The following NBPF15 variants were observed in gnomAD, a reference collection of about 807,000 sequenced individuals.
The protein encoded by NBPF15 is NBPF member 15, also known as NBPF family member NBPF15.
A neutral mutation model predicts 62.2 loss-of-function variants in NBPF15; 74 were observed. The observed-to-expected ratio is 1.19, with a 90% CI of 0.99 to 1.44. The LOEUF is 1.44. NBPF15 is among the 40% of genes most tolerant of loss of function. NBPF15 has a pLI of 0.00. For missense variants in NBPF15, 790 were observed against 550.0 expected, an observed-to-expected ratio of 1.44 and a Z score of -4.36; for synonymous variants, 244 against 209.7, an observed-to-expected ratio of 1.16 and a Z score of -1.41.
intron 8 of NBPF15, among the ~76,000 whole-genome samples, chr1:144,439,373 C>G (rs1189910760): frequency 1.3e-5 from 2 of 152,038 alleles, no homozygotes; most frequent in African/African-American, 4.8e-5. Flanking sequence ...CAGGTACTGG[C>G]TACTATCACC....
chr1:144,444,811 G>A (rs1204706817), intron 6 of NBPF15, among the ~76,000 whole-genome samples: 2 of 151,896 alleles, frequency 1.3e-5, no homozygotes, highest in Non-Finnish European at 2.9e-5. Flanking sequence ...ACTGAGCCAC[G>A]AGAAATAGCA....
intron 8 of NBPF15, among the ~76,000 whole-genome samples, chr1:144,439,314 G>T (rs1681085219): frequency 1.3e-5 from 2 of 151,886 alleles, no homozygotes; most frequent in African/African-American, 4.8e-5. Context: ...GTCACTTATA[G>T]ACAGCACAGG....
rs868926616 is a variant in NBPF15 at position 144,423,881 on chromosome 1, T to G, written c.1758A>C (p.Pro586=). Residue 586 remains proline, a synonymous_variant, in exon 21 of 22, where the codon CCA becomes CCC. Coordinates refer to ENST00000581897, the MANE Select transcript of NBPF15 (RefSeq NM_001385408.1). ...TTGCTGAAAGTTACCTGGGGCATGG[T>G]GGGTTGTCATCTTCCCCTTCTTTTC... The part of the protein sequence containing the change: ...RGRKEGEDDN[P]PCPRLYGVLM... The G allele has an allele frequency of 3.6e-5, 28 of 775,846 alleles. No individual in the cohort carries two copies. Among genetic ancestry groups the G allele is most frequent in the Non-Finnish European group, 6.3e-5 (27 of 427,854 alleles). 48.1% of individuals were successfully genotyped at this position (775,846 alleles called of 1,614,324 possible). A position where few individuals can be genotyped will look rare whatever the true frequency, so the allele number is the denominator to read the frequency against.
chr1:144,426,750 A>G (rs1553539344), intron 17 of NBPF15, among the ~76,000 whole-genome samples: 2 of 151,908 alleles, frequency 1.3e-5, no homozygotes, highest in Non-Finnish European at 2.9e-5. Context: ...CGGGACACAC[A>G]ACGAACAGTG....
chr1:144,442,162 GTA>G (rs368550343), intron 6 of NBPF15, among the ~76,000 whole-genome samples: 19,103 of 29,822 alleles, frequency 0.64, 7,060 homozygotes, highest in East Asian at 0.81. Context: ...ATATACACGT[GTA>G]TATATATATA....
intron 3 of NBPF15, among the ~76,000 whole-genome samples, chr1:144,457,039 C>A (rs1459818655): frequency 6.6e-6 from 1 of 151,628 alleles, no homozygotes; most frequent in Non-Finnish European, 1.5e-5. Flanking sequence ...ATTGGCCCAG[C>A]ATGGTGGCAC....
At chr1:144,423,441 G>C (rs1462428055) in intron 21 of NBPF15, among the ~76,000 whole-genome samples, 185 bp from the exon 22 acceptor site, 2 of 151,706 alleles carry the variant, frequency 1.3e-5, no homozygotes, top group African/African-American at 2.4e-5. Flanking sequence ...AGAAAACAAT[G>C]AAAGAGAAAG....
chr1:144,433,336 A>T, intron 13 of NBPF15, among the ~76,000 whole-genome samples: 1 of 152,112 alleles, frequency 6.6e-6, no homozygotes, highest in Non-Finnish European at 1.5e-5. Context: ...CTAAATGCCC[A>T]CAAGAGAAAG....
intron 13 of NBPF15, among the ~76,000 whole-genome samples, chr1:144,432,105 A>T (rs1212775187): frequency 2.6e-5 from 4 of 152,064 alleles, no homozygotes; most frequent in Non-Finnish European, 5.9e-5. Flanking sequence ...TTACAGTCCC[A>T]CCAACAGTGT....
intron 17 of NBPF15, among the ~76,000 whole-genome samples, chr1:144,426,818 T>C (rs1313497491): frequency 6.6e-6 from 1 of 150,664 alleles, no homozygotes; most frequent in Non-Finnish European, 1.5e-5. Flanking sequence ...TTCCATGCAG[T>C]TGCCATACAG....
chr1:144,428,056 A>T (rs1458472218), intron 15 of NBPF15, 66 bp from the exon 16 acceptor site: 4 of 786,282 alleles, frequency 5.1e-6, no homozygotes, highest in Non-Finnish European at 9.4e-6. Context: ...TCCCAGCTAG[A>T]TTTCATGGCT....
intron 8 of NBPF15, among the ~76,000 whole-genome samples, chr1:144,439,050 C>A (rs1364967194): frequency 1.3e-5 from 2 of 151,774 alleles, no homozygotes; most frequent in African/African-American, 4.8e-5. Context: ...ATGGCAAAAT[C>A]TTGGCTCACT....
intron 6 of NBPF15, among the ~76,000 whole-genome samples, chr1:144,442,438 C>A (rs1684196511): frequency 7.2e-6 from 1 of 138,386 alleles, no homozygotes; most frequent in Non-Finnish European, 1.6e-5. Flanking sequence ...ATATTTTTTT[C>A]TTTTTTAAGT....
intron 6 of NBPF15, among the ~76,000 whole-genome samples, chr1:144,445,748 C>A (rs1228938606): frequency 6.6e-6 from 1 of 151,122 alleles, no homozygotes; most frequent in Non-Finnish European, 1.5e-5. Flanking sequence ...TCTTCTGATC[C>A]ATGACAAGGT....
rs1571130236 is a variant in NBPF15, at chr1:144,436,885, G to T, written c.493+10C>A. The T allele has an allele frequency of 1.9e-6, 3 of 1,611,750 alleles. No individual in the cohort carries two copies. The East Asian group carries it at 6.7e-5, about 36-fold the overall frequency. ...GGATTTTGGGTCATCAGGGCCTATG[G>T]CCACCTTACCTGGGCTGAGCTTTTG... is the stretch of plus-strand genomic sequence containing the variant. On this transcript the variant is annotated intron_variant, in intron 10 of 21. Transcript: ENST00000581897.
intron 4 of NBPF15, among the ~76,000 whole-genome samples, chr1:144,453,889 T>A (rs1299492763): frequency 7.4e-6 from 1 of 134,792 alleles, no homozygotes; most frequent in Non-Finnish European, 1.5e-5. Flanking sequence ...AAGTGTACAG[T>A]CACTTTGGAC....
Position 144,431,426 on chromosome 1 carries a change from C to CT in NBPF15, c.825-1564dup, listed in dbSNP as rs200325859. The stretch of plus-strand genomic sequence containing the variant: ...GAGAGTGGGAGCAATATTCAACATT[C>CT]TTTTTTTTTCCATATGTATAGTTTT... On this transcript the variant is annotated intron_variant, in intron 13 of 21. Coordinates refer to ENST00000581897, the MANE Select transcript of NBPF15 (RefSeq NM_001385408.1). Among the ~76,000 whole-genome samples the CT allele has an allele frequency of 3.9e-3, 587 of 149,368 alleles. 5 individuals carry two copies. The highest frequency in any genetic ancestry group is 0.014 in the African/African-American group (565 of 39,838).
chr1:144,442,431 T>G (rs1310795695), intron 6 of NBPF15, among the ~76,000 whole-genome samples: 4 of 144,506 alleles, frequency 2.8e-5, no homozygotes, highest in Admixed American at 7.1e-5. Context: ...TATATATATA[T>G]TTTTTTCTTT....
In NBPF15 at chr1:144,423,124, T is replaced by A; in HGVS notation, c.1902A>T (p.Ser634=). Residue 634 remains serine (S), a synonymous_variant, in exon 22 of 22, where the codon TCA becomes TCT. Coordinates refer to ENST00000581897, the MANE Select transcript of NBPF15 (RefSeq NM_001385408.1). ...SFQHYRSVFY[S]FEEEHISFAL... Reference sequence around the variant, plus strand: ...CGAAGCTGATATGCTCTTCCTCAAATGAGTAAAACACACTTCTGTAGTGCT... The same window carrying A: ...CGAAGCTGATATGCTCTTCCTCAAAAGAGTAAAACACACTTCTGTAGTGCT... 6.2e-7 allele frequency: 1 copy of A among 1,611,570 alleles called. No homozygotes were observed. The highest frequency in any genetic ancestry group is 2.2e-5 in the East Asian group (1 of 44,852).
Sources: gnomAD v4.1 joint callset for allele counts (sites outside exome capture counted in the v4.1 genomes callset) on GRCh38, gnomAD v4.1.1 for gene constraint, MANE v1.5 for transcripts, NCBI Gene and HGNC (gene_info 2026-07-23, HGNC 2026-07-21) for gene names.